The following TANGO2 variants were observed in gnomAD, a reference collection of about 807,000 sequenced individuals.
TANGO2 encodes transport and golgi organization 2 homolog.
Under a neutral mutation model 39.1 loss-of-function variants are expected in TANGO2, and 26 were observed. That is an observed-to-expected ratio of 0.67 (90% CI 0.49 to 0.92). The LOEUF is 0.92. TANGO2 is among the 40% of genes least tolerant of loss of function. The pLI, the probability that TANGO2 is intolerant of heterozygous loss-of-function variation, is 0.00. For missense variants in TANGO2, 326 were observed against 360.1 expected, an observed-to-expected ratio of 0.91 and a Z score of 0.77; for synonymous variants, 131 against 144.5, an observed-to-expected ratio of 0.91 and a Z score of 0.67.
intron 1 of TANGO2, among the ~76,000 whole-genome samples, chr22:20,028,045 C>T (rs988511303): frequency 4.6e-5 from 7 of 152,074 alleles, no homozygotes; most frequent in Admixed American, 1.3e-4. Context: ...ATGATCTGCC[C>T]GCCTCAGCCT....
intron 2 of TANGO2, among the ~76,000 whole-genome samples, chr22:20,040,973 A>G (rs1473014639): frequency 1.3e-5 from 2 of 152,156 alleles, no homozygotes. Context: ...GGAGGTGGTA[A>G]GGCTTCCATA....
chr22:20,059,518 A>G (rs574742045), intron 6 of TANGO2, among the ~76,000 whole-genome samples: 2 of 152,338 alleles, frequency 1.3e-5, no homozygotes, highest in African/African-American at 4.8e-5. Flanking sequence ...TGCGGGTTGC[A>G]GCTTCTCTGA....
chr22:20,041,767 A>G (rs1386458735), intron 2 of TANGO2, among the ~76,000 whole-genome samples: 3 of 152,148 alleles, frequency 2.0e-5, no homozygotes, highest in Non-Finnish European at 4.4e-5. Context: ...TTTCACTCCC[A>G]ATTTTATGAA....
chr22:20,027,084 C>A (rs2040905375), intron 1 of TANGO2, among the ~76,000 whole-genome samples: 1 of 152,172 alleles, frequency 6.6e-6, no homozygotes, highest in Non-Finnish European at 1.5e-5. Context: ...AACTTACAAT[C>A]ATGGCAGAAG....
At chr22:20,018,621 T>C (rs2531700), upstream of TANGO2, among the ~76,000 whole-genome samples, 103,761 of 152,088 alleles carry the variant, frequency 0.68, 36,547 homozygotes, top group African/African-American at 0.86. Context: ...CTACCTCTCC[T>C]CTCATCACCA....
intron 1 of TANGO2, among the ~76,000 whole-genome samples, chr22:20,030,377 T>C (rs1284773757): frequency 6.6e-6 from 1 of 151,906 alleles, no homozygotes; most frequent in Non-Finnish European, 1.5e-5. Context: ...GATGGAGTCT[T>C]GCTCTGTTGC....
At chr22:20,039,845 C>CAGA (rs1310094811) in intron 2 of TANGO2, among the ~76,000 whole-genome samples, 1 of 148,982 alleles carries the variant, frequency 6.7e-6, no homozygotes, top group African/African-American at 2.5e-5. Flanking sequence ...CACCCCCCGG[C>CAGA]AGAACACACT....
At chr22:20,021,037 C>T (rs1211536721), upstream of TANGO2, 1 of 151,752 alleles carries the variant, frequency 6.6e-6, no homozygotes, top group African/African-American at 2.4e-5. Context: ...GCTGCGCGGC[C>T]CAATGGTGAA....
rs796241744 is a variant in TANGO2 at position 20,047,228 on chromosome 22, G to T, written c.145+3785G>T. On this transcript the variant is annotated intron_variant, in intron 3 of 8. Transcript: ENST00000327374. ...ACACTGGGGATCAGTTTTTTGGTTTGTTTGTTTTTTTTTTTTTTTTTTGAG... is the reference window on the plus strand; with the variant it reads ...ACACTGGGGATCAGTTTTTTGGTTTTTTTGTTTTTTTTTTTTTTTTTTGAG... Among the ~76,000 whole-genome samples, 1,270 of 132,576 alleles carry T rather than the reference G, an allele frequency of 9.6e-3. 27 individuals carry two copies. Among genetic ancestry groups the T allele is most frequent in the African/African-American group, 0.031 (1,153 of 36,860 alleles). 87.0% of individuals were successfully genotyped at this position (132,576 alleles called of 152,430 possible).
intron 5 of TANGO2, chr22:20,053,753 C>T: frequency 1.6e-6 from 1 of 615,090 alleles, no homozygotes; most frequent in Non-Finnish European, 3.0e-6. Context: ...CCCAAGGCTT[C>T]CTGTGATGGC....
intron 3 of TANGO2, among the ~76,000 whole-genome samples, chr22:20,047,207 T>C (rs2045383014): frequency 6.6e-6 from 1 of 150,640 alleles, no homozygotes; most frequent in African/African-American, 2.4e-5. Flanking sequence ...CCTCCAACAC[T>C]GGGGATCAGT....
chr22:20,061,588 G>A lies in TANGO2; in HGVS notation c.510G>A (p.Gly170=), dbSNP rs1316512991. ...CTCCCTGGAGGAAGCTGTGCTTTGG[G>A]AAGCAGCTCTTCCTGGAGGCTGTGG... ...LETPWRKLCF[G]KQLFLEAVER... The change falls in exon 7 of 9, where the codon GGG becomes GGA. Residue 170 remains glycine (G), a synonymous_variant. Coordinates refer to ENST00000327374, the MANE Select transcript of TANGO2 (RefSeq NM_152906.7). 1.9e-6 allele frequency: 3 copies of A among 1,600,138 alleles called. No homozygotes were observed. The highest frequency in any genetic ancestry group is 1.7e-5 in the Admixed American group (1 of 58,014).
At chr22:20,056,768 C>CA (rs1569324299) in intron 6 of TANGO2, 1 of 456,382 alleles carries the variant, frequency 2.2e-6, no homozygotes, top group Non-Finnish European at 4.4e-6. Flanking sequence ...CCTGGGTGCA[C>CA]AAAACTGTAG....
rs145280060 is a variant in TANGO2, at chr22:20,039,044, G to A, written c.56+2190G>A. Among the ~76,000 whole-genome samples, 16 of 151,532 alleles carry A rather than the reference G, an allele frequency of 1.1e-4. No individual in the cohort carries two copies. The East Asian group carries it at 3.1e-3, about 30-fold the overall frequency. ...CAGCCTCAAACTCGCCGGCTCAAGCGATCCTCCCACTTCAGCATGCCTAAG... is the reference window on the plus strand; with the variant it reads ...CAGCCTCAAACTCGCCGGCTCAAGCAATCCTCCCACTTCAGCATGCCTAAG... On this transcript the variant is annotated intron_variant, in intron 2 of 8. Transcript: ENST00000327374.
At chr22:20,020,846 TC>T (rs2039524269), upstream of TANGO2, among the ~76,000 whole-genome samples, 2 of 152,000 alleles carry the variant, frequency 1.3e-5, no homozygotes, top group African/African-American at 2.4e-5. Flanking sequence ...TCCCATGGCG[TC>T]CCTGCAGGCA....
At chr22:20,026,595 C>T (rs1365566871) in intron 1 of TANGO2, among the ~76,000 whole-genome samples, 1 of 152,214 alleles carries the variant, frequency 6.6e-6, no homozygotes, top group East Asian at 1.9e-4. Context: ...CAGGGGATGG[C>T]TAGGGAGAAA....
intron 4 of TANGO2, 38 bp from the exon 5 acceptor site, chr22:20,053,399 C>T (rs751279511): frequency 2.1e-6 from 3 of 1,433,102 alleles, no homozygotes; most frequent in Non-Finnish European, 3.0e-6. Flanking sequence ...GAGCACATGC[C>T]TGCAGCTGTG....
intron 3 of TANGO2, 23 bp downstream of exon 3, chr22:20,043,466 C>T (rs535662044): frequency 3.6e-5 from 56 of 1,554,222 alleles, no homozygotes; most frequent in East Asian, 1.4e-4. Context: ...GCGTGCTCAG[C>T]GGTGGCTGCG....
At chr22:20,017,182 C>A (rs371296937), upstream of TANGO2, 1 of 152,352 alleles carries the variant, frequency 6.6e-6, no homozygotes, top group East Asian at 1.9e-4. Flanking sequence ...GCCACCACTC[C>A]CAGTTCACAG....
Sources: gnomAD v4.1 joint callset for allele counts (sites outside exome capture counted in the v4.1 genomes callset) on GRCh38, gnomAD v4.1.1 for gene constraint, MANE v1.5 for transcripts, NCBI Gene and HGNC (gene_info 2026-07-23, HGNC 2026-07-21) for gene names.